The following FRMD4B variants were observed in gnomAD, a reference collection of about 807,000 sequenced individuals.
The protein encoded by FRMD4B is FERM domain-containing protein 4B.
Under a neutral mutation model 141.5 loss-of-function variants are expected in FRMD4B, and 74 were observed. That is an observed-to-expected ratio of 0.52 (90% CI 0.43 to 0.63). The LOEUF (loss-of-function observed/expected upper bound fraction) is 0.63, where lower values mean the gene tolerates loss of function less well. FRMD4B is among the 30% of genes least tolerant of loss of function. FRMD4B has a pLI of 0.00. For missense variants in FRMD4B, 1,366 were observed against 1,253.4 expected (o/e 1.09, Z -1.36); for synonymous variants, 506 against 467.9 (o/e 1.08, Z -1.05).
chr3:69,376,503 A>G (rs1703974319), intron 1 of FRMD4B, among the ~76,000 whole-genome samples: 1 of 152,160 alleles, frequency 6.6e-6, no homozygotes, highest in South Asian at 2.1e-4. Context: ...TAAAAGTACC[A>G]GTTAAAGGAA....
chr3:69,462,197 C>T (rs1453241291), intron 1 of FRMD4B, among the ~76,000 whole-genome samples: 5 of 152,096 alleles, frequency 3.3e-5, no homozygotes, highest in Non-Finnish European at 4.4e-5. Context: ...TAACCAGAGC[C>T]GCAAGTAACC....
chr3:69,198,584 T>TGG, intron 12 of FRMD4B, 114 bp downstream of exon 12: 3 of 663,578 alleles, frequency 4.5e-6, no homozygotes, highest in Non-Finnish European at 5.5e-6. Flanking sequence ...TTCCTAGGTA[T>TGG]ACACCCAAGA....
intron 1 of FRMD4B, among the ~76,000 whole-genome samples, chr3:69,520,275 G>A (rs1455020006): frequency 1.2e-5 from 1 of 86,714 alleles, no homozygotes; most frequent in African/African-American, 6.8e-5. Flanking sequence ...ATATATGATG[G>A]AATATATATA....
intron 19 of FRMD4B, among the ~76,000 whole-genome samples, chr3:69,185,821 C>A (rs1159976131): frequency 6.6e-6 from 1 of 152,098 alleles, no homozygotes. Context: ...GTGGGCGGAT[C>A]ACCTGAGGTC....
intron 5 of FRMD4B, among the ~76,000 whole-genome samples, chr3:69,256,869 G>T (rs2093496383): frequency 6.6e-6 from 1 of 152,162 alleles, no homozygotes; most frequent in African/African-American, 2.4e-5. Context: ...GTTGTTAGAG[G>T]TAATCTTTAT....
Position 69,279,404 on chromosome 3 carries a change from G to T in FRMD4B, c.501+8348C>A, listed in dbSNP as rs1246259115. 2.6e-5 allele frequency among the ~76,000 whole-genome samples: 4 copies of T among 152,100 alleles called. No individual in the cohort carries two copies. The East Asian group carries it at 5.8e-4, about 22-fold the overall frequency. ...AATAAATAACTGTGTAAGTTGCTGT[G>T]GGTGTTAAATGAGCTAATAACACAC... On this transcript the variant is annotated intron_variant, in intron 5 of 22. Transcript: ENST00000398540.
intron 1 of FRMD4B, among the ~76,000 whole-genome samples, chr3:69,372,453 T>TA (rs1703853258): frequency 1.3e-5 from 2 of 152,028 alleles, no homozygotes; most frequent in African/African-American, 4.8e-5. Flanking sequence ...TCACCCGAGG[T>TA]TAGGAGATCG....
intron 2 of FRMD4B, among the ~76,000 whole-genome samples, chr3:69,425,714 A>C (rs151122417): frequency 1.3e-5 from 2 of 152,218 alleles, no homozygotes; most frequent in Non-Finnish European, 2.9e-5. Context: ...TACAAAGTAG[A>C]TGCACAATAA....
At chr3:69,250,290 C>CGTGTGTGCGTGT (rs1553710138) in intron 5 of FRMD4B, 191 bp from the exon 6 acceptor site, 2 of 418,626 alleles carry the variant, frequency 4.8e-6, no homozygotes, top group East Asian at 4.2e-5. Flanking sequence ...ACTGTGTGTG[C>CGTGTGTGCGTGT]GTGTGTGTGT....
In FRMD4B at chr3:69,193,689, CT is replaced by C; in HGVS notation, c.1672del (p.Arg558GlyfsTer17). Reference sequence around the variant, plus strand: ...TTTCTGGCTGGGTTTCTTTCCACACCTAATTCGGTATTCGTTTATTGCATTT... The same window carrying C: ...TTTCTGGCTGGGTTTCTTTCCACACCAATTCGGTATTCGTTTATTGCATTT... ...IENAINEYRI[R>X]CGKKPSQKAT... On this transcript the variant is annotated frameshift_variant, in exon 17 of 23. Coordinates refer to ENST00000398540, the MANE Select transcript of FRMD4B (RefSeq NM_015123.3). LOFTEE classifies it high-confidence loss of function. 6.2e-7 allele frequency: 1 copy of C among 1,613,422 alleles called. No individual in the cohort carries two copies. The highest frequency in any genetic ancestry group is 8.5e-7 in the Non-Finnish European group (1 of 1,179,554).
chr3:69,321,178 C>A (rs1006566088), intron 1 of FRMD4B, among the ~76,000 whole-genome samples: 1 of 152,026 alleles, frequency 6.6e-6, no homozygotes, highest in Non-Finnish European at 1.5e-5. Flanking sequence ...TGGTAAGAAA[C>A]CAAAAGGCAA....
In FRMD4B at chr3:69,324,815, G is replaced by C. The variant is rs78817291; in HGVS notation, c.163-11298C>G. 4.2e-3 allele frequency among the ~76,000 whole-genome samples: 635 copies of C among 152,102 alleles called. 3 individuals are homozygous for C. Among genetic ancestry groups the C allele is most frequent in the Non-Finnish European group, 7.0e-3 (479 of 68,000 alleles). On this transcript the variant is annotated intron_variant, in intron 1 of 22. Transcript: ENST00000398540. ...AATGAGGAAATTGATGGAGAAGGCC[G>C]GATGTGGTGGTTCCCTCCTGTAACC...
chr3:69,286,009 A>C (rs746047095), intron 5 of FRMD4B, among the ~76,000 whole-genome samples: 6 of 152,236 alleles, frequency 3.9e-5, no homozygotes, highest in Non-Finnish European at 7.3e-5. Context: ...CAGTATTTCT[A>C]AAGTACGGAG....
chr3:69,524,714 A>C (rs1285349771), intron 1 of FRMD4B, among the ~76,000 whole-genome samples: 1 of 152,196 alleles, frequency 6.6e-6, no homozygotes, highest in Non-Finnish European at 1.5e-5. Context: ...AACAAGTAGA[A>C]GGTGTTTCCT....
intron 1 of FRMD4B, among the ~76,000 whole-genome samples, chr3:69,494,550 C>T (rs1049304205): frequency 6.6e-6 from 1 of 152,162 alleles, no homozygotes; most frequent in African/African-American, 2.4e-5. Flanking sequence ...TGAGTTCACA[C>T]ATGTGGGAAG....
intron 1 of FRMD4B, among the ~76,000 whole-genome samples, chr3:69,479,537 C>T (rs1392492615): frequency 1.3e-5 from 2 of 152,180 alleles, no homozygotes; most frequent in Admixed American, 1.3e-4. Flanking sequence ...TATTGGCCCC[C>T]ACTCTCTTCT....
chr3:69,372,254 C>T (rs1703845954), intron 1 of FRMD4B, among the ~76,000 whole-genome samples: 1 of 152,230 alleles, frequency 6.6e-6, no homozygotes, highest in African/African-American at 2.4e-5. Context: ...GCTTCATCCC[C>T]AGTGGACTCT....
chr3:69,351,300 G>C (rs1001650286), intron 1 of FRMD4B, among the ~76,000 whole-genome samples: 1 of 152,066 alleles, frequency 6.6e-6, no homozygotes, highest in African/African-American at 2.4e-5. Context: ...GTCTTAATTG[G>C]AGCTTCACAG....
chr3:69,180,807 A>ACTGGT, intron 21 of FRMD4B, 92 bp downstream of exon 21: 1 of 830,420 alleles, frequency 1.2e-6, no homozygotes, highest in Admixed American at 2.4e-5. Flanking sequence ...GACCCTGAGT[A>ACTGGT]CTGGTCTCAT....
Sources: gnomAD v4.1 joint callset for allele counts (sites outside exome capture counted in the v4.1 genomes callset) on GRCh38, gnomAD v4.1.1 for gene constraint, MANE v1.5 for transcripts, NCBI Gene and HGNC (gene_info 2026-07-23, HGNC 2026-07-21) for gene names.